Variants in SYCP1 observed in about 807,000 individuals in gnomAD.
SYCP1 encodes the protein cancer/testis antigen 8.
In SYCP1, 64 loss-of-function variants were observed where a neutral mutation model predicts 153.1. The observed-to-expected ratio is 0.42, with a 90% CI of 0.34 to 0.51. SYCP1 has a LOEUF of 0.51. Among genes scored for constraint, SYCP1 ranks in the 20% least tolerant of loss-of-function variants. SYCP1 has a pLI of 0.06. For missense variants in SYCP1, 997 were observed against 1,049.0 expected (o/e 0.95, Z 0.68); for synonymous variants, 384 against 341.8 (o/e 1.12, Z -1.36).
At chr1:114,897,079 G>T (rs999729698) in intron 16 of SYCP1, among the ~76,000 whole-genome samples, 2 of 152,122 alleles carry the variant, frequency 1.3e-5, no homozygotes, top group African/African-American at 2.4e-5. Context: ...CTGGTCGGAG[G>T]TTCTCCGGGG....
At chr1:114,872,500 A>G (rs1333776163) in intron 8 of SYCP1, among the ~76,000 whole-genome samples, 2 of 152,118 alleles carry the variant, frequency 1.3e-5, no homozygotes, top group East Asian at 3.8e-4. Flanking sequence ...TAATATGCAT[A>G]GGTGTAGTGT....
At chr1:114,991,865 T>A (rs1673948569) in intron 30 of SYCP1, among the ~76,000 whole-genome samples, 1 of 151,780 alleles carries the variant, frequency 6.6e-6, no homozygotes, top group African/African-American at 2.4e-5. Context: ...TAAAACTGCC[T>A]CTCTTCACAG....
intron 23 of SYCP1, among the ~76,000 whole-genome samples, chr1:114,930,303 G>T (rs1184999746): frequency 1.3e-5 from 2 of 151,800 alleles, no homozygotes; most frequent in East Asian, 3.9e-4. Flanking sequence ...ACAGAAAGTA[G>T]ACAAAAGGAA....
intron 18 of SYCP1, among the ~76,000 whole-genome samples, chr1:114,912,439 G>A (rs974645776): frequency 2.0e-5 from 3 of 151,734 alleles, no homozygotes; most frequent in African/African-American, 7.3e-5. Context: ...ATACTCCTCC[G>A]CCTTCATTTA....
At chr1:114,919,334 T>A (rs1379199189) in intron 20 of SYCP1, among the ~76,000 whole-genome samples, 1 of 152,192 alleles carries the variant, frequency 6.6e-6, no homozygotes, top group Non-Finnish European at 1.5e-5. Context: ...TGATTATCCT[T>A]ACATTTGTGG....
chr1:114,899,023 A>AG (rs1300048958), intron 16 of SYCP1, among the ~76,000 whole-genome samples: 1 of 152,190 alleles, frequency 6.6e-6, no homozygotes, highest in Non-Finnish European at 1.5e-5. Flanking sequence ...TTTTTTCCCA[A>AG]GGGGCTTTTA....
chr1:114,988,908 A>G (rs1376480200), intron 30 of SYCP1, among the ~76,000 whole-genome samples: 2 of 151,994 alleles, frequency 1.3e-5, no homozygotes, highest in Non-Finnish European at 2.9e-5. Flanking sequence ...TGGGCTGGGC[A>G]CAGTGGCTCA....
intron 23 of SYCP1, among the ~76,000 whole-genome samples, chr1:114,934,049 A>G (rs2101773108): frequency 6.6e-6 from 1 of 152,300 alleles, no homozygotes; most frequent in Middle Eastern, 3.4e-3. Context: ...CAAATTCAGG[A>G]AATACAGAGA....
At chr1:114,879,696 A>G (rs1371065909) in intron 12 of SYCP1, among the ~76,000 whole-genome samples, 1 of 152,204 alleles carries the variant, frequency 6.6e-6, no homozygotes, top group Non-Finnish European at 1.5e-5. Flanking sequence ...AAATTAATAA[A>G]TAACTGTAAT....
chr1:114,886,511 G>C (rs1410667560), intron 14 of SYCP1, among the ~76,000 whole-genome samples: 1 of 152,052 alleles, frequency 6.6e-6, no homozygotes, highest in Non-Finnish European at 1.5e-5. Context: ...TGTAAAAGAA[G>C]ATGTTCTCTA....
intron 30 of SYCP1, among the ~76,000 whole-genome samples, chr1:114,992,240 A>G (rs927170505): frequency 2.0e-5 from 3 of 151,918 alleles, no homozygotes; most frequent in African/African-American, 7.2e-5. Context: ...AAATCTCCAG[A>G]TTCAATGCAA....
intron 28 of SYCP1, 147 bp from the exon 29 acceptor site, chr1:114,981,189 T>C (rs530195689): frequency 9.9e-5 from 58 of 585,802 alleles, no homozygotes; most frequent in African/African-American, 7.3e-4. Flanking sequence ...CTGTAACTTA[T>C]TCAAACTTAT....
At chr1:114,965,787 G>A (rs1672085072) in intron 27 of SYCP1, among the ~76,000 whole-genome samples, 1 of 152,180 alleles carries the variant, frequency 6.6e-6, no homozygotes, top group Non-Finnish European at 1.5e-5. Context: ...TGTTCATCAG[G>A]GATATTGGCC....
chr1:114,973,639 G>A (rs1327277742), intron 27 of SYCP1, among the ~76,000 whole-genome samples: 1 of 151,894 alleles, frequency 6.6e-6, no homozygotes, highest in East Asian at 1.9e-4. Flanking sequence ...GCATGAGATT[G>A]TATGTTTTTG....
At chr1:114,960,718 T>G (rs1671733635) in intron 27 of SYCP1, among the ~76,000 whole-genome samples, 1 of 152,226 alleles carries the variant, frequency 6.6e-6, no homozygotes, top group Non-Finnish European at 1.5e-5. Context: ...TTTTGAGAAA[T>G]GTATTATCTT....
intron 8 of SYCP1, among the ~76,000 whole-genome samples, chr1:114,870,353 T>G (rs551348705): frequency 2.0e-5 from 3 of 152,314 alleles, no homozygotes; most frequent in Admixed American, 6.5e-5. Flanking sequence ...ATCTGACAAC[T>G]TTCCTTGCTT....
At chr1:114,874,452 C>T (rs1372097136) in intron 8 of SYCP1, 54 bp from the exon 9 acceptor site, 8 of 1,077,506 alleles carry the variant, frequency 7.4e-6, no homozygotes, top group Admixed American at 2.2e-5. Flanking sequence ...TGAGTATTGT[C>T]TTGTTGACAT....
At chr1:114,897,357 G>T (rs1399092356) in intron 16 of SYCP1, among the ~76,000 whole-genome samples, 3 of 152,154 alleles carry the variant, frequency 2.0e-5, no homozygotes, top group South Asian at 2.1e-4. Flanking sequence ...CACAAACAGG[G>T]TTATTAGAAA....
chr1:114,912,835 A>G (rs1318825037), intron 18 of SYCP1, among the ~76,000 whole-genome samples, 198 bp from the exon 19 acceptor site: 1 of 152,030 alleles, frequency 6.6e-6, no homozygotes, highest in East Asian at 1.9e-4. Flanking sequence ...AAAATTTCAA[A>G]AATATAAAAA....
Sources: gnomAD v4.1 joint callset for allele counts (sites outside exome capture counted in the v4.1 genomes callset) on GRCh38, gnomAD v4.1.1 for gene constraint, MANE v1.5 for transcripts, NCBI Gene and HGNC (gene_info 2026-07-23, HGNC 2026-07-21) for gene names.